The following DOK6 variants were observed in gnomAD, a reference collection of about 807,000 sequenced individuals.
DOK6 encodes downstream of tyrosine kinase 6.
Under a neutral mutation model 44.0 loss-of-function variants are expected in DOK6, and 22 were observed. The ratio of observed to expected loss-of-function variants is 0.50; its 90% confidence interval spans 0.36 to 0.71. The LOEUF (loss-of-function observed/expected upper bound fraction) is 0.71, where lower values mean the gene tolerates loss of function less well. Ranked by LOEUF, DOK6 falls within the 30% of genes least tolerant of loss-of-function variation. The probability of loss-of-function intolerance (pLI) is 0.00; values close to 1 mark genes in which losing one functional copy is unlikely to be tolerated. For synonymous variants in DOK6, 166 were observed against 145.5 expected (o/e 1.14, Z -1.01); for missense variants, 340 against 416.4 (o/e 0.82, Z 1.60).
intron 5 of DOK6, among the ~76,000 whole-genome samples, 161 bp from the exon 6 acceptor site, chr18:69,738,804 A>C (rs1978699523): frequency 6.6e-6 from 1 of 152,066 alleles, no homozygotes; most frequent in Admixed American, 6.6e-5. Flanking sequence ...CCATATAAAG[A>C]TGCACTTTTT....
chr18:69,800,466 T>A (rs1311650526), intron 7 of DOK6, among the ~76,000 whole-genome samples: 2 of 152,188 alleles, frequency 1.3e-5, no homozygotes, highest in African/African-American at 2.4e-5. Flanking sequence ...ATTCATCCAA[T>A]GTACTTTATC....
At chr18:69,708,702 T>G (rs1405883058) in intron 5 of DOK6, among the ~76,000 whole-genome samples, 1 of 150,418 alleles carries the variant, frequency 6.6e-6, no homozygotes, top group Non-Finnish European at 1.5e-5. Flanking sequence ...AAGAATCATT[T>G]GAACCCAGAA....
intron 1 of DOK6, among the ~76,000 whole-genome samples, chr18:69,521,979 T>C (rs1981699953): frequency 6.6e-6 from 1 of 151,896 alleles, no homozygotes; most frequent in Non-Finnish European, 1.5e-5. Flanking sequence ...TTTAGATTAA[T>C]GTCTTGATTT....
At chr18:69,574,179 C>T (rs368515885) in intron 2 of DOK6, among the ~76,000 whole-genome samples, 3 of 151,922 alleles carry the variant, frequency 2.0e-5, no homozygotes, top group Non-Finnish European at 2.9e-5. Flanking sequence ...ACAATGCAGA[C>T]CCCAAGTTTC....
At chr18:69,489,572 G>A (rs1296855859) in intron 1 of DOK6, among the ~76,000 whole-genome samples, 1 of 152,088 alleles carries the variant, frequency 6.6e-6, no homozygotes. Context: ...ATCGATTATA[G>A]GTTACCTCAG....
At chr18:69,777,142 TA>T (rs34442807) in intron 7 of DOK6, among the ~76,000 whole-genome samples, 100,490 of 145,754 alleles carry the variant, frequency 0.69, 35,936 homozygotes, top group East Asian at 0.9. Flanking sequence ...TAAAGTATAA[TA>T]AAAAAAAAAA....
intron 3 of DOK6, among the ~76,000 whole-genome samples, chr18:69,615,951 G>T (rs1984274851): frequency 6.6e-6 from 1 of 152,160 alleles, no homozygotes; most frequent in South Asian, 2.1e-4. Flanking sequence ...AGAGGTGCTT[G>T]TATTTGGGAC....
chr18:69,550,367 GA>G (rs943279674), intron 1 of DOK6, among the ~76,000 whole-genome samples: 7 of 151,430 alleles, frequency 4.6e-5, no homozygotes, highest in African/African-American at 1.5e-4. Context: ...GCACCCATGG[GA>G]AAAAAAATAA....
chr18:69,454,922 G>T (rs1465408945), intron 1 of DOK6, among the ~76,000 whole-genome samples: 1 of 119,064 alleles, frequency 8.4e-6, no homozygotes, highest in Non-Finnish European at 1.7e-5. Flanking sequence ...GGTGGGGGGA[G>T]GGGGGAGGGA....
At chr18:69,449,748 G>C (rs1352483433) in intron 1 of DOK6, among the ~76,000 whole-genome samples, 2 of 151,714 alleles carry the variant, frequency 1.3e-5, no homozygotes, top group African/African-American at 4.8e-5. Context: ...GTGGGTCCCT[G>C]ACCCCTGACC....
chr18:69,520,557 G>A (rs963572248), intron 1 of DOK6, among the ~76,000 whole-genome samples: 1 of 151,756 alleles, frequency 6.6e-6, no homozygotes, highest in Non-Finnish European at 1.5e-5. Flanking sequence ...CCAACATGAT[G>A]CCTAAAGTTG....
chr18:69,407,133 T>C (rs1916220911), intron 1 of DOK6, among the ~76,000 whole-genome samples: 1 of 152,238 alleles, frequency 6.6e-6, no homozygotes, highest in African/African-American at 2.4e-5. Flanking sequence ...ATGTCATCTT[T>C]TCAAAGTATT....
intron 2 of DOK6, among the ~76,000 whole-genome samples, chr18:69,584,258 C>G (rs536723044): frequency 5.9e-5 from 9 of 151,986 alleles, no homozygotes; most frequent in Non-Finnish European, 1.2e-4. Context: ...TTTCCTTTCA[C>G]TTTTTTAAAA....
chr18:69,476,744 C>A (rs910988523), intron 1 of DOK6, among the ~76,000 whole-genome samples: 1 of 152,210 alleles, frequency 6.6e-6, no homozygotes, highest in African/African-American at 2.4e-5. Context: ...CTGCGGCCTG[C>A]AGAGAGGGCG....
At chr18:69,401,518 C>T (rs1006111580) in intron 1 of DOK6, among the ~76,000 whole-genome samples, 1 of 152,104 alleles carries the variant, frequency 6.6e-6, no homozygotes, top group Non-Finnish European at 1.5e-5. Flanking sequence ...CCAGGAGCGC[C>T]TGAGTCCCCA....
At chr18:69,803,658 C>T (rs534900212) in intron 7 of DOK6, among the ~76,000 whole-genome samples, 4 of 152,194 alleles carry the variant, frequency 2.6e-5, no homozygotes, top group South Asian at 2.1e-4. Context: ...GGTCAGAGAT[C>T]GAGACCATCC....
chr18:69,761,308 G>T (rs1461536034), intron 7 of DOK6, among the ~76,000 whole-genome samples: 4 of 151,820 alleles, frequency 2.6e-5, no homozygotes, highest in Middle Eastern at 3.2e-3. Flanking sequence ...TCTATTAAGA[G>T]GCTGCCTTTC....
At chr18:69,644,422 G>A (rs1314299053) in intron 3 of DOK6, among the ~76,000 whole-genome samples, 1 of 151,868 alleles carries the variant, frequency 6.6e-6, no homozygotes, top group East Asian at 1.9e-4. Flanking sequence ...GATCCATTTT[G>A]AGTTTGTTAC....
At chr18:69,455,834 C>CAAAAA (rs1979620108) in intron 1 of DOK6, among the ~76,000 whole-genome samples, 1 of 152,090 alleles carries the variant, frequency 6.6e-6, no homozygotes, top group South Asian at 2.1e-4. Flanking sequence ...AAATGATGGG[C>CAAAAA]AATTTGGACT....
Sources: allele counts gnomAD v4.1 joint callset (sites outside exome capture counted in the v4.1 genomes callset), GRCh38; gene constraint gnomAD v4.1.1; transcripts MANE v1.5; gene names NCBI Gene and HGNC (gene_info 2026-07-23, HGNC 2026-07-21).